Variants in ERICH3 observed in about 807,000 individuals in gnomAD.
ERICH3 encodes the protein glutamate-rich protein 3.
Under a neutral mutation model 131.1 loss-of-function variants are expected in ERICH3, and 126 were observed. That is an observed-to-expected ratio of 0.96 (90% CI 0.83 to 1.11). The LOEUF is 1.11. ERICH3 is among the 50% of genes most tolerant of loss of function. The pLI is 0.00. For synonymous variants in ERICH3, 695 were observed against 644.6 expected (o/e 1.08, Z -1.18); for missense variants, 2,050 against 1,810.7 (o/e 1.13, Z -2.40).
At chr1:74,630,219 G>C (rs1242962645) in intron 7 of ERICH3, among the ~76,000 whole-genome samples, 1 of 152,182 alleles carries the variant, frequency 6.6e-6, no homozygotes, top group Non-Finnish European at 1.5e-5. Context: ...TCTTTTGAGA[G>C]CATGTTCATT....
intron 8 of ERICH3, among the ~76,000 whole-genome samples, chr1:74,616,936 A>G (rs930569652): frequency 2.0e-5 from 3 of 152,110 alleles, no homozygotes; most frequent in Admixed American, 2.0e-4. Flanking sequence ...TTCATTTTTG[A>G]CTTTTGGCCT....
At chr1:74,670,083 A>G in intron 1 of ERICH3, among the ~76,000 whole-genome samples, 1 of 152,334 alleles carries the variant, frequency 6.6e-6, no homozygotes, top group Non-Finnish European at 1.5e-5. Flanking sequence ...TAGCAATTCA[A>G]ATAATTTTGT....
rs758047257 is a variant in ERICH3 at position 74,571,481 on chromosome 1, C to G, written c.4229G>C (p.Arg1410Pro). ...TGCTGCTGGCACTTCCTCCCCACTC[C>G]GTGCTAATTCCTCTACCACCACCTT... ...AGKVVVEELA[R>P]SGEEVPAAEE... Residue 1410 changes from arginine to proline, a missense_variant, in exon 14 of 15, where the codon CGG becomes CCG. Arg to Pro is a moderately radical substitution (Grantham distance 103). Transcript: ENST00000326665. The G allele has an allele frequency of 2.2e-5, 36 of 1,614,128 alleles. No individual in the cohort carries two copies. In the South Asian group the frequency reaches 3.1e-4, roughly 14 times the overall value.
chr1:74,603,180 G>C (rs902543406), intron 10 of ERICH3, among the ~76,000 whole-genome samples: 2 of 151,846 alleles, frequency 1.3e-5, no homozygotes, highest in African/African-American at 4.8e-5. Context: ...TTTGTCTCTT[G>C]AGTATGAGGG....
intron 8 of ERICH3, among the ~76,000 whole-genome samples, chr1:74,614,113 C>G (rs1648830421): frequency 1.3e-5 from 2 of 152,056 alleles, no homozygotes; most frequent in Admixed American, 1.3e-4. Context: ...TGGTAAGAAC[C>G]AAGAATTTGC....
chr1:74,673,276 C>T (rs188155033), intron 1 of ERICH3, among the ~76,000 whole-genome samples: 1 of 152,066 alleles, frequency 6.6e-6, no homozygotes, highest in Admixed American at 6.5e-5. Flanking sequence ...TCAAAAGGGG[C>T]GAACGTGGGT....
intron 1 of ERICH3, among the ~76,000 whole-genome samples, chr1:74,655,562 CT>C (rs1414257265): frequency 2.0e-5 from 3 of 152,256 alleles, no homozygotes; most frequent in African/African-American, 7.2e-5. Context: ...ATTTAGGGAC[CT>C]TTGTGATTAC....
At chr1:74,617,181 A>AAG (rs1236201899) in intron 8 of ERICH3, among the ~76,000 whole-genome samples, 1 of 151,860 alleles carries the variant, frequency 6.6e-6, no homozygotes, top group African/African-American at 2.4e-5. Context: ...AAACAAAAAA[A>AAG]AAAAAAGGAA....
At chr1:74,609,278 T>A (rs970525289) in intron 9 of ERICH3, among the ~76,000 whole-genome samples, 1 of 152,048 alleles carries the variant, frequency 6.6e-6, no homozygotes, top group Non-Finnish European at 1.5e-5. Flanking sequence ...AACAGGTAAT[T>A]CCTAATCATT....
chr1:74,656,194 T>A (rs909245600), intron 1 of ERICH3, among the ~76,000 whole-genome samples: 1 of 152,104 alleles, frequency 6.6e-6, no homozygotes, highest in Non-Finnish European at 1.5e-5. Flanking sequence ...AATCTCCATA[T>A]ACCCAGGCCC....
At chr1:74,670,690 A>G (rs1370082854) in intron 1 of ERICH3, among the ~76,000 whole-genome samples, 1 of 152,194 alleles carries the variant, frequency 6.6e-6, no homozygotes, top group Non-Finnish European at 1.5e-5. Flanking sequence ...TTTGAACAAT[A>G]TGAAATCAGT....
intron 10 of ERICH3, among the ~76,000 whole-genome samples, chr1:74,601,445 T>C (rs1406650320): frequency 6.6e-6 from 1 of 151,864 alleles, no homozygotes; most frequent in Admixed American, 6.6e-5. Flanking sequence ...TGTACTCACT[T>C]TGTAGTAGTT....
chr1:74,570,361 A>G lies in ERICH3; in HGVS notation c.*97T>C, dbSNP rs139017194. On this transcript the variant is annotated 3_prime_UTR_variant, in exon 15 of 15. Coordinates refer to ENST00000326665, the MANE Select transcript of ERICH3 (RefSeq NM_001002912.5). Reference sequence around the variant, plus strand: ...ACCAGCAACTAAAGAGGAGAGAGAGAAAATCAAGAATCCTGGTGAGATGCT... The same window carrying G: ...ACCAGCAACTAAAGAGGAGAGAGAGGAAATCAAGAATCCTGGTGAGATGCT... 6.6e-6 allele frequency: 1 copy of G among 152,328 alleles called. No homozygotes were observed. The highest frequency in any genetic ancestry group is 1.5e-5 in the Non-Finnish European group (1 of 68,032). 9.4% of individuals were successfully genotyped at this position (152,328 alleles called of 1,614,324 possible). A position where few individuals can be genotyped will look rare whatever the true frequency, so the allele number is the denominator to read the frequency against.
In ERICH3 at chr1:74,576,903, G is replaced by A; in HGVS notation, c.2210C>T (p.Ala737Val). 1.2e-6 allele frequency: 2 copies of A among 1,600,960 alleles called. No individual in the cohort carries two copies. The highest frequency in any genetic ancestry group is 2.2e-5 in the East Asian group (1 of 44,612). ...GCAGATGGAATACTTACCACCAAGA[G>A]CCAGGACATAGGCTAATGGCAATGA... ...KDSLPLAYVL[A>V]LGAPTMNFMV... The change falls in exon 13 of 15, where the codon GCT becomes GTT. Residue 737 changes from alanine (A) to valine (V), a missense_variant. Coordinates refer to ENST00000326665, the MANE Select transcript of ERICH3 (RefSeq NM_001002912.5).
At chr1:74,621,406 A>G (rs991914835) in intron 7 of ERICH3, 5 of 152,356 alleles carry the variant, frequency 3.3e-5, no homozygotes, top group Non-Finnish European at 7.3e-5. Flanking sequence ...CTGAGCACTG[A>G]CAACACATCC....
intron 11 of ERICH3, among the ~76,000 whole-genome samples, chr1:74,591,582 C>T (rs1647607872): frequency 6.6e-6 from 1 of 152,124 alleles, no homozygotes; most frequent in African/African-American, 2.4e-5. Flanking sequence ...GCAAGAGATT[C>T]TGGGAGATCT....
At chr1:74,571,077 A>G (rs1397369131) in intron 14 of ERICH3, 22 bp downstream of exon 14, 1 of 1,583,640 alleles carries the variant, frequency 6.3e-7, no homozygotes, top group Admixed American at 1.7e-5. Flanking sequence ...TAGTCCTACA[A>G]AGACATTACG....
At chr1:74,658,923 G>A (rs1480924973) in intron 1 of ERICH3, among the ~76,000 whole-genome samples, 3 of 152,192 alleles carry the variant, frequency 2.0e-5, no homozygotes, top group Non-Finnish European at 4.4e-5. Flanking sequence ...GTATGATAAT[G>A]CAAGTAAAGA....
chr1:74,612,297 A>T (rs188028517), intron 9 of ERICH3, among the ~76,000 whole-genome samples: 33 of 152,314 alleles, frequency 2.2e-4, no homozygotes, highest in African/African-American at 5.8e-4. Context: ...AGACACACAA[A>T]CAAAAACAAC....
Sources: allele counts gnomAD v4.1 joint callset (sites outside exome capture counted in the v4.1 genomes callset), GRCh38; gene constraint gnomAD v4.1.1; transcripts MANE v1.5; gene names NCBI Gene and HGNC (gene_info 2026-07-23, HGNC 2026-07-21).